Variants in ANKRD12 observed in about 807,000 individuals in gnomAD.
The protein encoded by ANKRD12 is ankyrin repeat domain 12.
In ANKRD12, 85 loss-of-function variants were observed where a neutral mutation model predicts 183.4. The ratio of observed to expected loss-of-function variants is 0.46; its 90% CI spans 0.39 to 0.56. The LOEUF is 0.56. Ranked by LOEUF, ANKRD12 falls within the 20% of genes least tolerant of loss-of-function variation. The probability of loss-of-function intolerance (pLI) is 0.00; values close to 1 mark genes in which losing one functional copy is unlikely to be tolerated. For missense variants in ANKRD12, 2,405 were observed against 2,357.1 expected, an observed-to-expected ratio of 1.02 and a Z score of -0.42; for synonymous variants, 914 against 800.2, an observed-to-expected ratio of 1.14 and a Z score of -2.40.
chr18:9,254,589 C>T lies in ANKRD12; in HGVS notation c.1322C>T (p.Thr441Ile). The change falls in exon 9 of 13, where the codon ACT (threonine) becomes ATT (isoleucine). Residue 441 changes from threonine to isoleucine, a missense_variant. By Grantham distance (89) the Thr-to-Ile change is moderately conservative (BLOSUM62 -1). Coordinates refer to ENST00000262126, the MANE Select transcript of ANKRD12 (RefSeq NM_015208.5). The stretch of plus-strand genomic sequence containing the variant: ...GCTCTTCAGAATAAAAAGATTTCTA[C>T]TTCATGTTCCGTCATCCCTGAAACA... Reference protein sequence around the residue: ...EEALQNKKISTSCSVIPETSN... With the variant: ...EEALQNKKISISCSVIPETSN... The T allele has an allele frequency of 6.3e-7, 1 of 1,580,612 alleles. No individual in the cohort carries two copies. The highest frequency in any genetic ancestry group is 8.6e-7 in the Non-Finnish European group (1 of 1,168,108).
At position 9,255,195 on chromosome 18, in the gene ANKRD12, T is replaced by C; in HGVS notation, c.1928T>C (p.Met643Thr). The C allele has an allele frequency of 6.4e-7, 1 of 1,554,634 alleles. No homozygotes were observed. ...AATTCAGATTGCACACTGAAAAAAA[T>C]GGATAAAGAAGGTAAAACATTAAAA... ...FENSDCTLKK[M>T]DKEGKTLKKH... is the part of the protein sequence containing the mutation. Residue 643 changes from methionine (M) to threonine (T), a missense_variant, in exon 9 of 13, where the codon ATG (methionine) becomes ACG (threonine). This residue lies in a region of ANKRD12 where 1,983 missense variants were observed against 1,725.9 expected (regional missense o/e 1.15). Coordinates refer to ENST00000262126, the MANE Select transcript of ANKRD12 (RefSeq NM_015208.5).
chr18:9,188,749 A>G (rs1038650878), intron 2 of ANKRD12, among the ~76,000 whole-genome samples: 21 of 152,214 alleles, frequency 1.4e-4, no homozygotes, highest in South Asian at 4.1e-4. Flanking sequence ...CATGATGATG[A>G]TTAGTGATCT....
At chr18:9,217,739 T>A (rs2036191426) in intron 7 of ANKRD12, among the ~76,000 whole-genome samples, 1 of 152,210 alleles carries the variant, frequency 6.6e-6, no homozygotes, top group African/African-American at 2.4e-5. Context: ...ACTACCTTAT[T>A]TTTTACTGAT....
chr18:9,190,003 C>T (rs1391432478), intron 2 of ANKRD12, among the ~76,000 whole-genome samples: 1 of 152,190 alleles, frequency 6.6e-6, no homozygotes, highest in Non-Finnish European at 1.5e-5. Context: ...AGTGATTCCT[C>T]TGATGGATTT....
In ANKRD12 at chr18:9,257,574, G is replaced by T; in HGVS notation, c.4307G>T (p.Cys1436Phe). 6.2e-7 allele frequency: 1 copy of T among 1,614,052 alleles called. No homozygotes were observed. Among genetic ancestry groups the T allele is most frequent in the Non-Finnish European group, 8.5e-7 (1 of 1,179,974 alleles). ...ACATTAAGCACCAGAGACTTTATCTGCCCAAATTCTAACATACCTGATCAA... is the reference window on the plus strand; with the variant it reads ...ACATTAAGCACCAGAGACTTTATCTTCCCAAATTCTAACATACCTGATCAA... ...LETLSTRDFI[C>F]PNSNIPDQES... The change falls in exon 9 of 13, where the codon TGC (cysteine) becomes TTC (phenylalanine). Residue 1436 changes from cysteine (C) to phenylalanine (F), a missense_variant. Physicochemically the swap from Cys to Phe is radical, Grantham distance 205. Coordinates refer to ENST00000262126, the MANE Select transcript of ANKRD12 (RefSeq NM_015208.5).
chr18:9,222,134 A>ACTAG, intron 8 of ANKRD12, 135 bp downstream of exon 8: 2 of 1,065,880 alleles, frequency 1.9e-6, no homozygotes, highest in Non-Finnish European at 2.7e-6. Flanking sequence ...TGCTTAGCTA[A>ACTAG]CTAGCTAAGA....
chr18:9,248,675 T>G (rs2038107779), intron 8 of ANKRD12, among the ~76,000 whole-genome samples: 2 of 152,222 alleles, frequency 1.3e-5, no homozygotes, highest in Non-Finnish European at 2.9e-5. Flanking sequence ...AATAAGAAAT[T>G]TTGTTTGGCA....
chr18:9,141,227 G>A (rs945672400), intron 1 of ANKRD12, among the ~76,000 whole-genome samples: 3 of 152,002 alleles, frequency 2.0e-5, no homozygotes, highest in Admixed American at 2.0e-4. Flanking sequence ...TGGTGGTGGT[G>A]GTGGTGGTTT....
At chr18:9,172,516 A>T (rs956954975) in intron 1 of ANKRD12, among the ~76,000 whole-genome samples, 1 of 152,108 alleles carries the variant, frequency 6.6e-6, no homozygotes, top group Non-Finnish European at 1.5e-5. Context: ...CTATTCTGCT[A>T]TTGATACTTG....
At chr18:9,222,807 C>T (rs979158091) in intron 8 of ANKRD12, among the ~76,000 whole-genome samples, 9 of 152,046 alleles carry the variant, frequency 5.9e-5, no homozygotes, top group Non-Finnish European at 5.9e-5. Context: ...AATTATATTT[C>T]ACATGGAAAG....
intron 11 of ANKRD12, among the ~76,000 whole-genome samples, chr18:9,279,089 TTTC>T (rs2039988813): frequency 3.1e-3 from 1 of 322 alleles, no homozygotes; most frequent in African/African-American, 0.011. Flanking sequence ...TGATAAAGAA[TTTC>T]TTCATGAGAA....
chr18:9,273,000 T>C (rs2039679222), intron 10 of ANKRD12, among the ~76,000 whole-genome samples: 1 of 152,128 alleles, frequency 6.6e-6, no homozygotes, highest in African/African-American at 2.4e-5. Context: ...ACTAGGCACA[T>C]TCTTTGTATT....
chr18:9,249,415 G>A (rs2038154531), intron 8 of ANKRD12, among the ~76,000 whole-genome samples: 2 of 152,178 alleles, frequency 1.3e-5, no homozygotes, highest in South Asian at 4.1e-4. Context: ...TACTCATCTA[G>A]AATACACAGA....
rs557407590 is a variant in ANKRD12 at position 9,190,335 on chromosome 18, G to A, written c.88-5216G>A. Among the ~76,000 whole-genome samples, 10 of 152,276 alleles carry A rather than the reference G, an allele frequency of 6.6e-5. No homozygotes were observed. The South Asian group carries it at 1.7e-3, about 25-fold the overall frequency. On this transcript the variant is annotated intron_variant, in intron 2 of 12. Transcript: ENST00000262126. ...CTTGGTTTGAAGCTCCATTTCATTG[G>A]CAGAAGAGAAAAATAGCTCATCTTT...
At chr18:9,145,990 T>C (rs2078480200) in intron 1 of ANKRD12, among the ~76,000 whole-genome samples, 2 of 152,264 alleles carry the variant, frequency 1.3e-5, no homozygotes, top group East Asian at 3.9e-4. Flanking sequence ...AAGTTGTAGA[T>C]TTTTTGGTGA....
intron 1 of ANKRD12, among the ~76,000 whole-genome samples, chr18:9,139,170 C>T (rs934771343): frequency 6.6e-6 from 1 of 152,114 alleles, no homozygotes; most frequent in African/African-American, 2.4e-5. Flanking sequence ...CAAAAATATT[C>T]AGACGAGGAA....
intron 10 of ANKRD12, among the ~76,000 whole-genome samples, chr18:9,268,616 G>A (rs551690229): frequency 3.9e-5 from 6 of 152,244 alleles, no homozygotes; most frequent in African/African-American, 7.2e-5. Context: ...TTGATGGGAT[G>A]TATCTCAAAA....
intron 2 of ANKRD12, among the ~76,000 whole-genome samples, chr18:9,194,307 A>C (rs1191396802): frequency 6.6e-6 from 1 of 151,156 alleles, no homozygotes; most frequent in Non-Finnish European, 1.5e-5. Context: ...AAGCCATTTG[A>C]GAACTACTGA....
intron 1 of ANKRD12, among the ~76,000 whole-genome samples, chr18:9,166,283 G>C (rs2032056126): frequency 6.6e-6 from 1 of 152,240 alleles, no homozygotes; most frequent in East Asian, 1.9e-4. Flanking sequence ...CTAGATCCCT[G>C]AGGAATCGCC....
Sources: gnomAD v4.1 joint callset for allele counts (sites outside exome capture counted in the v4.1 genomes callset) on GRCh38, gnomAD v4.1.1 for gene constraint, gnomAD v4.1.1 regional missense constraint, MANE v1.5 for transcripts, NCBI Gene and HGNC (gene_info 2026-07-23, HGNC 2026-07-21) for gene names.